The following XRN1 variants were observed in gnomAD, a reference collection of about 807,000 sequenced individuals.
XRN1 encodes the protein strand-exchange protein 1 homolog.
A neutral mutation model predicts 222.3 loss-of-function variants in XRN1; 67 were observed. The observed-to-expected ratio is 0.30, with a 90% CI of 0.25 to 0.37. The LOEUF is 0.37. Among genes scored for constraint, XRN1 ranks in the 10% least tolerant of loss-of-function variants. XRN1 has a pLI of 1.00. For missense variants in XRN1, 1,707 were observed against 2,000.2 expected, an observed-to-expected ratio of 0.85 and a Z score of 2.80; for synonymous variants, 643 against 652.4, an observed-to-expected ratio of 0.99 and a Z score of 0.22.
chr3:142,381,072 C>A (rs2067286063), intron 22 of XRN1, among the ~76,000 whole-genome samples: 2 of 149,822 alleles, frequency 1.3e-5, no homozygotes. Flanking sequence ...TGCATTCTAT[C>A]CTGGGTAATA....
chr3:142,392,065 C>T (rs1317507279), intron 20 of XRN1, among the ~76,000 whole-genome samples: 2 of 152,014 alleles, frequency 1.3e-5, no homozygotes, highest in Non-Finnish European at 2.9e-5. Flanking sequence ...CTTCTACCTC[C>T]TTATCTGAAG....
rs1338657504 is a variant in XRN1 at position 142,447,381 on chromosome 3, G to A, written c.75+489C>T. Among the ~76,000 whole-genome samples the A allele has an allele frequency of 1.3e-5, 2 of 152,122 alleles. No homozygotes were observed. Reference sequence around the variant, plus strand: ...AGCCACGTCGGAAAGTCTAGGCTCCGGGGGCCGGGTGGGCCGCGCTCTAGA... The same window carrying A: ...AGCCACGTCGGAAAGTCTAGGCTCCAGGGGCCGGGTGGGCCGCGCTCTAGA... On this transcript the variant is annotated intron_variant, in intron 1 of 40. Coordinates refer to ENST00000392981, the MANE Select transcript of XRN1 (RefSeq NM_001282857.2). This position sits in a 1 kb window ranked among gnomAD's most constrained non-coding sequence, Gnocchi z 4.2.
intron 20 of XRN1, among the ~76,000 whole-genome samples, chr3:142,396,610 T>C (rs1336677558): frequency 6.6e-6 from 1 of 152,226 alleles, no homozygotes; most frequent in African/African-American, 2.4e-5. Flanking sequence ...TCCCGGTTTA[T>C]TCATCTTTGA....
At chr3:142,402,346 C>T (rs554348040) in intron 18 of XRN1, among the ~76,000 whole-genome samples, 1 of 152,116 alleles carries the variant, frequency 6.6e-6, no homozygotes, top group South Asian at 2.1e-4. Flanking sequence ...CCAAGTTTGG[C>T]TAATTTTTGT....
chr3:142,424,308 C>G (rs2069161493), intron 5 of XRN1, among the ~76,000 whole-genome samples: 1 of 152,150 alleles, frequency 6.6e-6, no homozygotes, highest in Non-Finnish European at 1.5e-5. Context: ...GTTGGCCAGG[C>G]TGGTCTTGAA....
At chr3:142,323,908 AAC>A (rs1282041372) in intron 37 of XRN1, among the ~76,000 whole-genome samples, 4 of 152,088 alleles carry the variant, frequency 2.6e-5, no homozygotes, top group African/African-American at 4.8e-5. Flanking sequence ...TAATAATTAT[AAC>A]ACACATTTAT....
Position 142,332,498 on chromosome 3 carries a change from C to A in XRN1, c.4099G>T (p.Asp1367Tyr). Reference protein sequence around the residue: ...TRMLKEILKIDGSNTVDHKNE... With the variant: ...TRMLKEILKIYGSNTVDHKNE... ...TTATGGTCCACAGTGTTAGAGCCAT[C>A]AATTTTTAGAATTTCTTTAAGCATC... Residue 1367 changes from aspartate (D) to tyrosine (Y), a missense_variant, in exon 36 of 41, where the codon GAT (aspartate) becomes TAT (tyrosine). Asp to Tyr is a radical substitution (Grantham distance 160). This residue lies in a region of XRN1 where 473 missense variants were observed against 482.0 expected (regional missense o/e 0.98). Coordinates refer to ENST00000392981, the MANE Select transcript of XRN1 (RefSeq NM_001282857.2). 6.2e-7 allele frequency: 1 copy of A among 1,610,728 alleles called. No homozygotes were observed. Among genetic ancestry groups the A allele is most frequent in the South Asian group, 1.1e-5 (1 of 90,398 alleles).
intron 33 of XRN1, 69 bp downstream of exon 33, chr3:142,347,165 C>A: frequency 9.3e-7 from 1 of 1,076,174 alleles, no homozygotes; most frequent in Non-Finnish European, 1.4e-6. Context: ...TAAATTATAT[C>A]AATAAAATGT....
At chr3:142,322,666 G>A (rs957620837) in intron 37 of XRN1, among the ~76,000 whole-genome samples, 11 of 151,522 alleles carry the variant, frequency 7.3e-5, no homozygotes, top group African/African-American at 2.7e-4. Context: ...ACAGAGCGAG[G>A]TTCTGTCCCC....
intron 30 of XRN1, among the ~76,000 whole-genome samples, chr3:142,357,409 C>T (rs1019527813): frequency 6.6e-6 from 1 of 151,458 alleles, no homozygotes; most frequent in African/African-American, 2.4e-5. Flanking sequence ...TTGCTGAATA[C>T]AACTGAAAAT....
At chr3:142,431,906 A>AAT (rs2069582643) in intron 2 of XRN1, among the ~76,000 whole-genome samples, 1 of 36,912 alleles carries the variant, frequency 2.7e-5, no homozygotes, top group Non-Finnish European at 4.7e-5. Context: ...TATATATTAT[A>AAT]TATATAAATA....
intron 30 of XRN1, 93 bp downstream of exon 30, chr3:142,359,769 C>G: frequency 1.0e-6 from 1 of 975,780 alleles, no homozygotes; most frequent in Non-Finnish European, 1.5e-6. Context: ...ACACATCCCA[C>G]AAACTGAAAT....
rs781710100 is a variant in XRN1, at chr3:142,333,141, CACAAAAAGCTGAGTTTTATGT to C, written c.3940-73_3940-53del. 11 of 1,552,406 alleles carry C rather than the reference CACAAAAAGCTGAGTTTTATGT, an allele frequency of 7.1e-6. No homozygotes were observed. In the African/African-American group the frequency reaches 1.4e-4, roughly 20 times the overall value. On this transcript the variant is annotated intron_variant, in intron 34 of 40. Transcript: ENST00000392981. ...AAGATGAACGTATAATACAAGAACACACAAAAAGCTGAGTTTTATGTACAAAAATGGTCATTCGATTTTCAC... is the reference window on the plus strand; with the variant it reads ...AAGATGAACGTATAATACAAGAACACACAAAAATGGTCATTCGATTTTCAC...
chr3:142,407,734 T>C (rs995301271), intron 15 of XRN1: 1 of 149,810 alleles, frequency 6.7e-6, no homozygotes, highest in Non-Finnish European at 1.5e-5. Context: ...ATCATTCCAG[T>C]TTTTTTTTTA....
At chr3:142,392,858 T>C (rs2067783405) in intron 20 of XRN1, among the ~76,000 whole-genome samples, 1 of 151,518 alleles carries the variant, frequency 6.6e-6, no homozygotes, top group Non-Finnish European at 1.5e-5. Context: ...GATGGCTGGG[T>C]CAAATGGTAT....
chr3:142,428,250 G>C (rs2069348284), intron 2 of XRN1, among the ~76,000 whole-genome samples: 2 of 152,046 alleles, frequency 1.3e-5, no homozygotes, highest in South Asian at 2.1e-4. Flanking sequence ...AAAAGAATTA[G>C]CCGGGTGTGG....
At chr3:142,341,330 C>T (rs2065988123) in intron 33 of XRN1, among the ~76,000 whole-genome samples, 1 of 151,886 alleles carries the variant, frequency 6.6e-6, no homozygotes, top group Admixed American at 6.6e-5. Flanking sequence ...TATGTCACAC[C>T]ACTAGTGAAA....
chr3:142,322,687 A>AG (rs151217064), intron 37 of XRN1, among the ~76,000 whole-genome samples: 10,638 of 151,872 alleles, frequency 0.07, 1,229 homozygotes, highest in African/African-American at 0.24. Flanking sequence ...AAACAAACAA[A>AG]CAAAAAAAAA....
In XRN1 at chr3:142,311,631, T is replaced by C. The variant is rs138285636; in HGVS notation, c.4965A>G (p.Gln1655=). The change falls in exon 41 of 41, where the codon CAA becomes CAG. Residue 1655 remains glutamine, a synonymous_variant. Coordinates refer to ENST00000392981, the MANE Select transcript of XRN1 (RefSeq NM_001282857.2). ...SPIAQPASSF[Q]VETASQGHSI... ...TATGGCCTTGAGAGGCAGTTTCAACTTGAAAAGAAGATGCAGGTTGAGCAA... is the reference window on the plus strand; with the variant it reads ...TATGGCCTTGAGAGGCAGTTTCAACCTGAAAAGAAGATGCAGGTTGAGCAA... The C allele has an allele frequency of 1.9e-5, 31 of 1,614,130 alleles. No homozygotes were observed. In the African/African-American group the frequency reaches 3.6e-4, roughly 19 times the overall value.
Sources: gnomAD v4.1 joint callset for allele counts (sites outside exome capture counted in the v4.1 genomes callset) on GRCh38, gnomAD v4.1.1 for gene constraint, gnomAD v4.1.1 regional missense constraint, Gnocchi (gnomAD v3.1) non-coding constraint, MANE v1.5 for transcripts, NCBI Gene and HGNC (gene_info 2026-07-23, HGNC 2026-07-21) for gene names.